The following CFAP58 variants were observed in gnomAD, a reference collection of about 807,000 sequenced individuals.
CFAP58 encodes cilia and flagella associated protein 58.
CFAP58 carries 88 observed loss-of-function variants against 119.5 expected under a neutral mutation model. That is an observed-to-expected ratio of 0.74 (90% CI 0.62 to 0.88). The LOEUF is 0.88. CFAP58 is among the 40% of genes least tolerant of loss of function. CFAP58 has a pLI of 0.00. For synonymous variants in CFAP58, 365 were observed against 366.3 expected (o/e 1.00, Z 0.04); for missense variants, 990 against 1,021.2 (o/e 0.97, Z 0.42).
rs139726585 is a variant in CFAP58, at chr10:104,380,043, G to A, written c.1188G>A (p.Ala396=). 4.1e-5 allele frequency: 66 copies of A among 1,613,798 alleles called. No homozygotes were observed. The highest frequency in any genetic ancestry group is 6.7e-5 in the Admixed American group (4 of 59,970). ...CTTATTTTTAGAACATGCTTAAGGC[G>A]GTCAATGCGACCCAGAAGCAGACAG... ...RDILNKNMLK[A]VNATQKQTDL... Residue 396 remains alanine, a synonymous_variant, in exon 9 of 18, where the codon GCG becomes GCA. Coordinates refer to ENST00000369704, the MANE Select transcript of CFAP58 (RefSeq NM_001008723.2).
At chr10:104,450,638 T>C (rs1202513681) in intron 17 of CFAP58, among the ~76,000 whole-genome samples, 1 of 152,176 alleles carries the variant, frequency 6.6e-6, no homozygotes, top group Non-Finnish European at 1.5e-5. Context: ...GATGCCCCTG[T>C]ACCACTATAA....
At chr10:104,430,730 C>T (rs1435027365) in intron 15 of CFAP58, among the ~76,000 whole-genome samples, 1 of 151,994 alleles carries the variant, frequency 6.6e-6, no homozygotes, top group African/African-American at 2.4e-5. Flanking sequence ...CAGTGCTGTC[C>T]ACTAAAAAAT....
chr10:104,438,462 G>A (rs1438045936), intron 15 of CFAP58, among the ~76,000 whole-genome samples: 2 of 142,344 alleles, frequency 1.4e-5, no homozygotes, highest in African/African-American at 5.2e-5. Flanking sequence ...TGCCAGCTCC[G>A]CTTCCCGGGT....
In CFAP58 at chr10:104,358,004, T is replaced by C. The variant is rs138385028; in HGVS notation, c.10-337T>C. ...ATATGTACACATATATGTACACATA[T>C]ATACACATATATGTACATATATATA... On this transcript the variant is annotated intron_variant, in intron 1 of 17. Transcript: ENST00000369704. Among the ~76,000 whole-genome samples the C allele has an allele frequency of 3.3e-4, 44 of 134,194 alleles. 3 individuals carry two copies. Among genetic ancestry groups the C allele is most frequent in the African/African-American group, 1.1e-3 (40 of 35,206 alleles). The allele number at this position is 134,194 out of a possible 152,430, so 88.0% of individuals were successfully genotyped here.
At chr10:104,419,328 A>G (rs1263195018) in intron 15 of CFAP58, among the ~76,000 whole-genome samples, 3 of 151,990 alleles carry the variant, frequency 2.0e-5, no homozygotes, top group African/African-American at 4.8e-5. Flanking sequence ...AGGTCACACT[A>G]CTCATGATCC....
upstream of CFAP58, among the ~76,000 whole-genome samples, chr10:104,351,106 C>G (rs1408967754): frequency 2.6e-5 from 4 of 152,202 alleles, no homozygotes; most frequent in East Asian, 7.7e-4. Context: ...ACACACAAAG[C>G]AGCCTGAGCT....
At chr10:104,382,795 G>A (rs544557624) in intron 9 of CFAP58, among the ~76,000 whole-genome samples, 5 of 152,174 alleles carry the variant, frequency 3.3e-5, no homozygotes, top group African/African-American at 4.8e-5. Flanking sequence ...CACCATGATT[G>A]TAAGTTTCCT....
At chr10:104,379,853 G>C (rs917137129) in intron 8 of CFAP58, among the ~76,000 whole-genome samples, 176 bp from the exon 9 acceptor site, 1 of 152,160 alleles carries the variant, frequency 6.6e-6, no homozygotes, top group Non-Finnish European at 1.5e-5. Context: ...TGTGTTTAAA[G>C]TGCCTTGTGC....
intron 1 of CFAP58, among the ~76,000 whole-genome samples, chr10:104,354,141 A>AAGTGCGGT (rs2014508353): frequency 6.6e-6 from 1 of 152,170 alleles, no homozygotes; most frequent in Non-Finnish European, 1.5e-5. Flanking sequence ...GCGCTATGCT[A>AAGTGCGGT]AGTGCGGTAG....
intron 16 of CFAP58, among the ~76,000 whole-genome samples, chr10:104,449,127 G>T (rs1051275167): frequency 6.7e-6 from 1 of 149,886 alleles, no homozygotes; most frequent in Non-Finnish European, 1.5e-5. Flanking sequence ...TAGAAGGAGG[G>T]TCTTTGTTTC....
chr10:104,355,047 C>G (rs776207837), intron 1 of CFAP58, among the ~76,000 whole-genome samples: 2 of 152,196 alleles, frequency 1.3e-5, no homozygotes, highest in Non-Finnish European at 2.9e-5. Context: ...CATACGATCT[C>G]TTTCATATCA....
At chr10:104,401,721 C>T (rs893552683) in intron 13 of CFAP58, among the ~76,000 whole-genome samples, 2 of 151,610 alleles carry the variant, frequency 1.3e-5, no homozygotes, top group African/African-American at 2.4e-5. Context: ...GCAGGAATAG[C>T]GAGGTTGCCA....
intron 10 of CFAP58, among the ~76,000 whole-genome samples, chr10:104,393,022 C>CA (rs1248195997): frequency 6.6e-6 from 1 of 152,170 alleles, no homozygotes; most frequent in East Asian, 1.9e-4. Context: ...AGCTTCACTT[C>CA]AAAATCTTTT....
intron 11 of CFAP58, among the ~76,000 whole-genome samples, chr10:104,396,416 G>A (rs866405684): frequency 6.0e-4 from 72 of 119,900 alleles, no homozygotes; most frequent in Middle Eastern, 4.1e-3. Context: ...GAGAGAGAGA[G>A]AGAGAGAGAG....
chr10:104,353,798 T>TA (rs2135237225), upstream of CFAP58: 1 of 1,452,536 alleles, frequency 6.9e-7, no homozygotes, highest in Non-Finnish European at 9.4e-7. Context: ...GGGCGGGCGA[T>TA]AGAGACAGCG....
At chr10:104,396,423 AGAGAGAG>A in intron 11 of CFAP58, among the ~76,000 whole-genome samples, 1 of 139,962 alleles carries the variant, frequency 7.1e-6, no homozygotes, top group African/African-American at 3.0e-5. Context: ...AGAGAGAGAG[AGAGAGAG>A]AGAGAGAGAA....
At chr10:104,406,529 T>C (rs1008789494) in intron 14 of CFAP58, among the ~76,000 whole-genome samples, 160 bp from the exon 15 acceptor site, 1 of 152,186 alleles carries the variant, frequency 6.6e-6, no homozygotes, top group Middle Eastern at 3.2e-3. Flanking sequence ...GAATTTATGA[T>C]TTTCTCATCT....
the CFAP58 span, among the ~76,000 whole-genome samples, chr10:104,344,280 C>A: frequency 9.9e-4 from 151 of 152,326 alleles, 1 homozygote; most frequent in Middle Eastern, 0.027. Context: ...CTTAGGAATA[C>A]CTTAATTCAC....
intron 15 of CFAP58, among the ~76,000 whole-genome samples, chr10:104,415,143 A>G (rs963689095): frequency 9.2e-5 from 14 of 152,152 alleles, no homozygotes; most frequent in African/African-American, 3.4e-4. Context: ...ATGGGACTCT[A>G]AGCAAGGCTC....
Sources: gnomAD v4.1 joint callset for allele counts (sites outside exome capture counted in the v4.1 genomes callset) on GRCh38, gnomAD v4.1.1 for gene constraint, MANE v1.5 for transcripts, NCBI Gene and HGNC (gene_info 2026-07-23, HGNC 2026-07-21) for gene names.